The following LHFPL3 variants were observed in gnomAD, a reference collection of about 807,000 sequenced individuals.
The protein encoded by LHFPL3 is LHFPL tetraspan subfamily member 3.
LHFPL3 carries 5 observed loss-of-function variants against 19.3 expected under a neutral mutation model. The observed-to-expected ratio is 0.26, with a 90% CI of 0.14 to 0.54. The LOEUF (loss-of-function observed/expected upper bound fraction) is 0.54, where lower values mean the gene tolerates loss of function less well. Among genes scored for constraint, LHFPL3 ranks in the 20% least tolerant of loss-of-function variants. LHFPL3 has a pLI of 0.94. For missense variants in LHFPL3, 249 were observed against 307.4 expected, an observed-to-expected ratio of 0.81 and a Z score of 1.42; for synonymous variants, 133 against 126.2, an observed-to-expected ratio of 1.05 and a Z score of -0.36.
intron 1 of LHFPL3, among the ~76,000 whole-genome samples, chr7:104,429,036 G>T (rs1791900005): frequency 6.6e-6 from 1 of 152,100 alleles, no homozygotes; most frequent in Non-Finnish European, 1.5e-5. Context: ...AATCCTCTGA[G>T]AATCTGAAAA....
At chr7:104,525,952 A>T (rs1348654604) in intron 1 of LHFPL3, among the ~76,000 whole-genome samples, 1 of 152,020 alleles carries the variant, frequency 6.6e-6, no homozygotes, top group Non-Finnish European at 1.5e-5. Context: ...TTTATCCTAT[A>T]GGTAGGCACA....
chr7:104,382,042 A>T (rs1790839196), intron 1 of LHFPL3, among the ~76,000 whole-genome samples: 2 of 152,128 alleles, frequency 1.3e-5, no homozygotes, highest in African/African-American at 4.8e-5. Flanking sequence ...CCATTTTGAG[A>T]TCCCTGGATA....
At chr7:104,382,368 A>G (rs1179824809) in intron 1 of LHFPL3, among the ~76,000 whole-genome samples, 1 of 152,170 alleles carries the variant, frequency 6.6e-6, no homozygotes, top group Non-Finnish European at 1.5e-5. Context: ...CATGCCTGTA[A>G]TCCCACCCGC....
intron 1 of LHFPL3, among the ~76,000 whole-genome samples, chr7:104,458,500 G>T (rs1792591413): frequency 6.6e-6 from 1 of 152,142 alleles, no homozygotes; most frequent in Non-Finnish European, 1.5e-5. Context: ...CCAGTACCAT[G>T]CTGTTTTGGT....
rs572807602 is a variant in LHFPL3 at position 104,404,475 on chromosome 7, T to G, written c.445+75251T>G. ...TCAATTTTTACTGAAGTAAAATTAT[T>G]GAAGAAATACATGTCATATTTTACA... is the stretch of plus-strand genomic sequence containing the variant. On this transcript the variant is annotated intron_variant, in intron 1 of 2. Coordinates refer to ENST00000424859, the MANE Select transcript of LHFPL3 (RefSeq NM_199000.3). Among the ~76,000 whole-genome samples, 4 of 152,318 alleles carry G rather than the reference T, an allele frequency of 2.6e-5. No individual in the cohort carries two copies. The South Asian group carries it at 8.3e-4, about 32-fold the overall frequency.
At chr7:104,740,345 T>C (rs970505507) in intron 2 of LHFPL3, among the ~76,000 whole-genome samples, 1 of 152,246 alleles carries the variant, frequency 6.6e-6, no homozygotes, top group Non-Finnish European at 1.5e-5. Flanking sequence ...ATAGTGAGAA[T>C]AGCCTGAAAT....
At chr7:104,837,043 T>C (rs1791112017) in intron 2 of LHFPL3, among the ~76,000 whole-genome samples, 2 of 152,198 alleles carry the variant, frequency 1.3e-5, no homozygotes, top group Non-Finnish European at 2.9e-5. Context: ...GTGTGCACAA[T>C]GAACATTGGG....
chr7:104,850,030 C>T (rs761036540), intron 2 of LHFPL3, among the ~76,000 whole-genome samples: 6 of 152,274 alleles, frequency 3.9e-5, no homozygotes, highest in African/African-American at 1.4e-4. Flanking sequence ...AGGCCGGGCG[C>T]GGTGGCTCAC....
chr7:104,780,577 C>T lies in LHFPL3; in HGVS notation c.682+43666C>T, dbSNP rs913452284. On this transcript the variant is annotated intron_variant, in intron 2 of 2. Transcript: ENST00000424859. Reference sequence around the variant, plus strand: ...AGGGGGGAAAAGATTCTTTGAGATTCGTGTCACCAGGCTACCTCTCTCACA... The same window carrying T: ...AGGGGGGAAAAGATTCTTTGAGATTTGTGTCACCAGGCTACCTCTCTCACA... 3.9e-5 allele frequency among the ~76,000 whole-genome samples: 6 copies of T among 152,130 alleles called. No homozygotes were observed. The East Asian group carries it at 5.8e-4, about 15-fold the overall frequency.
intron 1 of LHFPL3, among the ~76,000 whole-genome samples, chr7:104,358,899 C>T (rs1790336911): frequency 6.6e-6 from 1 of 152,200 alleles, no homozygotes. Flanking sequence ...CGATGGATGT[C>T]AGCATAATGA....
At chr7:104,877,513 G>A (rs1404820997) in intron 2 of LHFPL3, among the ~76,000 whole-genome samples, 1 of 152,066 alleles carries the variant, frequency 6.6e-6, no homozygotes, top group African/African-American at 2.4e-5. Context: ...ATAAATACAT[G>A]AAAAGATACT....
chr7:104,560,550 G>A (rs1261355250), intron 1 of LHFPL3, among the ~76,000 whole-genome samples: 112 of 150,376 alleles, frequency 7.4e-4, no homozygotes, highest in Admixed American at 2.5e-3. Flanking sequence ...TTTTTATTGC[G>A]TCTATTTGAT....
At chr7:104,868,123 T>C (rs1055206608) in intron 2 of LHFPL3, among the ~76,000 whole-genome samples, 2 of 152,176 alleles carry the variant, frequency 1.3e-5, no homozygotes, top group African/African-American at 4.8e-5. Context: ...GCCAATATCA[T>C]ACTGAATGGG....
chr7:104,743,765 A>G lies in LHFPL3; in HGVS notation c.682+6854A>G, dbSNP rs77815116. 4.6e-3 allele frequency among the ~76,000 whole-genome samples: 694 copies of G among 152,348 alleles called. 30 individuals are homozygous for G. In the East Asian group the frequency reaches 0.1, roughly 22 times the overall value. Reference sequence around the variant, plus strand: ...TCACAGCTAGGAAGGATTGGATGCAAGACTCAAACACAAATCATTTTACTC... The same window carrying G: ...TCACAGCTAGGAAGGATTGGATGCAGGACTCAAACACAAATCATTTTACTC... On this transcript the variant is annotated intron_variant, in intron 2 of 2. Transcript: ENST00000424859.
intron 1 of LHFPL3, among the ~76,000 whole-genome samples, chr7:104,356,255 A>C (rs1265619428): frequency 6.6e-6 from 1 of 152,208 alleles, no homozygotes; most frequent in African/African-American, 2.4e-5. Flanking sequence ...TAGATAAAAG[A>C]ACCTCCTTTC....
At chr7:104,402,065 T>C (rs1001699547) in intron 1 of LHFPL3, among the ~76,000 whole-genome samples, 4 of 148,700 alleles carry the variant, frequency 2.7e-5, no homozygotes, top group African/African-American at 9.9e-5. Flanking sequence ...CACATGGGTA[T>C]AATCAGAAAT....
Position 104,461,485 on chromosome 7 carries a change from G to A in LHFPL3, c.445+132261G>A, listed in dbSNP as rs151285547. Among the ~76,000 whole-genome samples, 77 of 152,246 alleles carry A rather than the reference G, an allele frequency of 5.1e-4. No individual in the cohort carries two copies. The East Asian group carries it at 9.8e-3, about 19-fold the overall frequency. On this transcript the variant is annotated intron_variant, in intron 1 of 2. Transcript: ENST00000424859. Reference sequence around the variant, plus strand: ...AGTCCTTTCACCATTGCTTGTTTTCGTCAGCTTTGATGAAGATCAGATGGT... The same window carrying A: ...AGTCCTTTCACCATTGCTTGTTTTCATCAGCTTTGATGAAGATCAGATGGT...
intron 1 of LHFPL3, among the ~76,000 whole-genome samples, chr7:104,613,290 G>T (rs2115759467): frequency 6.6e-6 from 1 of 152,246 alleles, no homozygotes; most frequent in African/African-American, 2.4e-5. Context: ...TGCCCAGGTG[G>T]AAACTCCATA....
chr7:104,851,654 G>A (rs1791416558), intron 2 of LHFPL3, among the ~76,000 whole-genome samples: 1 of 152,210 alleles, frequency 6.6e-6, no homozygotes, highest in Non-Finnish European at 1.5e-5. Context: ...CTCCAGAAGA[G>A]ATTCTTCTTC....
Sources: allele counts gnomAD v4.1 joint callset (sites outside exome capture counted in the v4.1 genomes callset), GRCh38; gene constraint gnomAD v4.1.1; transcripts MANE v1.5; gene names NCBI Gene and HGNC (gene_info 2026-07-23, HGNC 2026-07-21).